The following LHFPL2 variants were observed in gnomAD, a reference collection of about 807,000 sequenced individuals.
The protein encoded by LHFPL2 is LHFPL tetraspan subfamily member 2.
In LHFPL2, 7 loss-of-function variants were observed where a neutral mutation model predicts 17.5. That is an observed-to-expected ratio of 0.40 (90% CI 0.23 to 0.75). The LOEUF (loss-of-function observed/expected upper bound fraction) is 0.75. Ranked by LOEUF, LHFPL2 falls within the 30% of genes least tolerant of loss-of-function variation. The pLI is 0.37. For missense variants in LHFPL2, 241 were observed against 294.8 expected, an observed-to-expected ratio of 0.82 and a Z score of 1.34; for synonymous variants, 134 against 116.2, an observed-to-expected ratio of 1.15 and a Z score of -0.99.
chr5:78,551,175 T>A (rs1383315063), intron 3 of LHFPL2, among the ~76,000 whole-genome samples: 3 of 152,156 alleles, frequency 2.0e-5, no homozygotes, highest in Non-Finnish European at 4.4e-5. Context: ...TAAAAGTGAA[T>A]CTAGAGGAAC....
chr5:78,523,437 G>A (rs543518143), intron 3 of LHFPL2, among the ~76,000 whole-genome samples: 5 of 152,266 alleles, frequency 3.3e-5, no homozygotes, highest in Non-Finnish European at 4.4e-5. Context: ...CCCCCACAGT[G>A]AGGGGGTAGA....
intron 3 of LHFPL2, among the ~76,000 whole-genome samples, chr5:78,511,655 A>G (rs1323013173): frequency 6.6e-6 from 1 of 152,202 alleles, no homozygotes; most frequent in Non-Finnish European, 1.5e-5. Context: ...GAAATAAGGA[A>G]GCCCAGTGTC....
rs73769039 is a variant in LHFPL2 at position 78,630,316 on chromosome 5, G to A, written c.-245+1948C>T. 9.0e-3 allele frequency among the ~76,000 whole-genome samples: 1,377 copies of A among 152,262 alleles called. 18 individuals are homozygous for A. The highest frequency in any genetic ancestry group is 0.031 in the African/African-American group (1,308 of 41,542). ...ACCAGACTCCCCACAAATGCCCTGC[G>A]GCAGCTTCTTCAGGGATGGTGTGAC... On this transcript the variant is annotated intron_variant, in intron 2 of 4. Transcript: ENST00000380345.
At chr5:78,602,508 T>C (rs190401124) in intron 2 of LHFPL2, among the ~76,000 whole-genome samples, 1 of 152,350 alleles carries the variant, frequency 6.6e-6, no homozygotes, top group African/African-American at 2.4e-5. Context: ...ATAGACATGA[T>C]TGATTTAGAT....
At chr5:78,558,788 T>A (rs1561338808) in intron 3 of LHFPL2, among the ~76,000 whole-genome samples, 1 of 152,206 alleles carries the variant, frequency 6.6e-6, no homozygotes, top group South Asian at 2.1e-4. Flanking sequence ...TGAGAAGAGA[T>A]CTTTTCCACC....
chr5:78,622,592 T>C (rs1744893544), intron 2 of LHFPL2, among the ~76,000 whole-genome samples: 5 of 152,148 alleles, frequency 3.3e-5, no homozygotes, highest in Admixed American at 3.3e-4. Flanking sequence ...CAGAATTCAG[T>C]CCTTCCTTAC....
intron 2 of LHFPL2, among the ~76,000 whole-genome samples, chr5:78,587,482 G>A (rs554457859): frequency 5.1e-4 from 77 of 152,334 alleles, no homozygotes; most frequent in African/African-American, 1.6e-3. Flanking sequence ...CCTGGACAAA[G>A]TGGGAGACTT....
intron 4 of LHFPL2, among the ~76,000 whole-genome samples, chr5:78,498,109 T>C (rs1473917405): frequency 6.6e-6 from 1 of 152,042 alleles, no homozygotes; most frequent in Non-Finnish European, 1.5e-5. Context: ...CGACCACTTG[T>C]GAAAGAGGCA....
chr5:78,585,007 T>TTTTTTTTG (rs1743325513), intron 2 of LHFPL2, among the ~76,000 whole-genome samples: 1 of 80,780 alleles, frequency 1.2e-5, no homozygotes, highest in African/African-American at 4.3e-5. Flanking sequence ...TTTTTTTTTT[T>TTTTTTTTG]TTTTTTTTTT....
chr5:78,606,201 T>G (rs1345483599), intron 2 of LHFPL2, among the ~76,000 whole-genome samples: 3 of 152,220 alleles, frequency 2.0e-5, no homozygotes, highest in East Asian at 3.9e-4. Context: ...AACTGGTCCA[T>G]GAAATCCAAA....
chr5:78,503,181 G>C (rs1290474179), intron 4 of LHFPL2, among the ~76,000 whole-genome samples: 1 of 152,190 alleles, frequency 6.6e-6, no homozygotes, highest in African/African-American at 2.4e-5. Flanking sequence ...ACAACAGAGT[G>C]CCAGAACTGC....
Position 78,509,999 on chromosome 5 carries a change from C to G in LHFPL2, c.215G>C (p.Gly72Ala). 6.2e-7 allele frequency: 1 copy of G among 1,613,480 alleles called. No homozygotes were observed. The change falls in exon 4 of 5, where the codon GGG (glycine) becomes GCG (alanine). Residue 72 changes from glycine to alanine, a missense_variant. Transcript: ENST00000380345. ...CGTGTCCCGCTGGAAGTGCTGCACC[C>G]CTGGGTTCCGGATGCAGCGGGCGTA... ...GIYARCIRNP[G>A]VQHFQRDTLC...
chr5:78,614,563 C>T (rs1186307808), intron 2 of LHFPL2, among the ~76,000 whole-genome samples: 1 of 152,172 alleles, frequency 6.6e-6, no homozygotes, highest in Non-Finnish European at 1.5e-5. Context: ...CCAGACTCTA[C>T]CCATTTTATT....
At chr5:78,525,466 T>G (rs774096042) in intron 3 of LHFPL2, among the ~76,000 whole-genome samples, 167 of 152,296 alleles carry the variant, frequency 1.1e-3, no homozygotes, top group Non-Finnish European at 1.7e-3. Flanking sequence ...AAAAATGAAT[T>G]GAGCAGGTCA....
chr5:78,619,258 C>T (rs1419317420), intron 2 of LHFPL2, among the ~76,000 whole-genome samples: 1 of 152,060 alleles, frequency 6.6e-6, no homozygotes, highest in Non-Finnish European at 1.5e-5. Context: ...AAACTCCAGG[C>T]CTCAAGGAAT....
At chr5:78,646,364 G>C (rs1319912469) in intron 1 of LHFPL2, among the ~76,000 whole-genome samples, 1 of 152,174 alleles carries the variant, frequency 6.6e-6, no homozygotes, top group Non-Finnish European at 1.5e-5. Context: ...CTTTTTCCTA[G>C]GGATTTGGAA....
intron 2 of LHFPL2, among the ~76,000 whole-genome samples, chr5:78,595,078 T>C (rs943462161): frequency 6.6e-6 from 1 of 152,152 alleles, no homozygotes; most frequent in African/African-American, 2.4e-5. Flanking sequence ...AATGTGAAAA[T>C]AATCAGCTAT....
At chr5:78,635,337 C>T (rs1296537753) in intron 1 of LHFPL2, among the ~76,000 whole-genome samples, 3 of 152,240 alleles carry the variant, frequency 2.0e-5, no homozygotes, top group Admixed American at 1.3e-4. Flanking sequence ...TCAAGCCCTT[C>T]TCTTCAAGTC....
chr5:78,585,993 T>A (rs1048038489), intron 2 of LHFPL2, among the ~76,000 whole-genome samples: 1 of 152,178 alleles, frequency 6.6e-6, no homozygotes, highest in Non-Finnish European at 1.5e-5. Flanking sequence ...AATAAGGTCA[T>A]TTTTTAAATA....
Sources: gnomAD v4.1 joint callset for allele counts (sites outside exome capture counted in the v4.1 genomes callset) on GRCh38, gnomAD v4.1.1 for gene constraint, MANE v1.5 for transcripts, NCBI Gene and HGNC (gene_info 2026-07-23, HGNC 2026-07-21) for gene names.